NEBL: variants seen among roughly 807,000 people sequenced by gnomAD.
NEBL encodes LIM and SH3 protein 2.
In NEBL, 122 loss-of-function variants were observed where a neutral mutation model predicts 140.2. That is an observed-to-expected ratio of 0.87 (90% CI 0.75 to 1.01). The LOEUF is 1.01. Ranked by LOEUF, NEBL falls within the 50% of genes least tolerant of loss-of-function variation. The probability of loss-of-function intolerance (pLI) is 0.00; values close to 1 mark genes in which losing one functional copy is unlikely to be tolerated. For missense variants in NEBL, 1,365 were observed against 1,231.3 expected (o/e 1.11, Z -1.62); for synonymous variants, 436 against 398.9 (o/e 1.09, Z -1.11).
chr10:21,238,440 C>T (rs1278031464), intron 3 of NEBL, among the ~76,000 whole-genome samples: 4 of 151,994 alleles, frequency 2.6e-5, no homozygotes, highest in African/African-American at 7.2e-5. Flanking sequence ...TGGCTCACGC[C>T]TGTAATCCCA....
At chr10:21,010,657 A>G (rs1299421195) in intron 3 of NEBL, among the ~76,000 whole-genome samples, 2 of 152,238 alleles carry the variant, frequency 1.3e-5, no homozygotes, top group Non-Finnish European at 1.5e-5. Context: ...GACATTTCAT[A>G]AAAGTATACA....
At chr10:20,829,601 A>G (rs1840211881) in intron 16 of NEBL, among the ~76,000 whole-genome samples, 1 of 152,144 alleles carries the variant, frequency 6.6e-6, no homozygotes, top group African/African-American at 2.4e-5. Flanking sequence ...ATAAAATTAA[A>G]AAAAAAGAAA....
intron 2 of NEBL, among the ~76,000 whole-genome samples, chr10:20,890,883 A>C (rs1024511149): frequency 6.6e-6 from 1 of 152,238 alleles, no homozygotes; most frequent in Non-Finnish European, 1.5e-5. Flanking sequence ...GAGAAGATGC[A>C]GGTAATTTGC....
intron 4 of NEBL, among the ~76,000 whole-genome samples, chr10:20,885,886 C>T (rs1195014387): frequency 6.6e-6 from 1 of 152,102 alleles, no homozygotes; most frequent in Non-Finnish European, 1.5e-5. Context: ...AGAACGTTGA[C>T]ATCATATATT....
intron 2 of NEBL, among the ~76,000 whole-genome samples, chr10:21,148,533 GT>G (rs1840005523): frequency 6.6e-6 from 1 of 151,828 alleles, no homozygotes; most frequent in South Asian, 2.1e-4. Context: ...TTTTGTTTTT[GT>G]TTTTGTTTTT....
rs16921211 is a variant in NEBL at position 20,879,922 on chromosome 10, G to A, written c.480+872C>T. Among the ~76,000 whole-genome samples, 760 of 152,274 alleles carry A rather than the reference G, an allele frequency of 5.0e-3. 3 individuals carry two copies. The highest frequency in any genetic ancestry group is 0.017 in the African/African-American group (690 of 41,536). ...CGAGCAAATGCATGCAAACCTTGATGCAACTGCTAACTTTTACCAAAAAAG... is the reference window on the plus strand; with the variant it reads ...CGAGCAAATGCATGCAAACCTTGATACAACTGCTAACTTTTACCAAAAAAG... On this transcript the variant is annotated intron_variant, in intron 5 of 27. Transcript: ENST00000377122.
intron 2 of NEBL, among the ~76,000 whole-genome samples, chr10:21,052,627 T>A (rs1481388800): frequency 6.6e-6 from 1 of 152,170 alleles, no homozygotes; most frequent in Non-Finnish European, 1.5e-5. Flanking sequence ...TCTGTAGAGA[T>A]GCTAAAACCA....
intron 2 of NEBL, among the ~76,000 whole-genome samples, chr10:21,037,188 C>G: frequency 6.7e-6 from 1 of 149,102 alleles, no homozygotes. Context: ...AATGAACAAG[C>G]AGCCAGCGAC....
chr10:21,125,934 C>A (rs912699939), intron 2 of NEBL: 2 of 1,614,050 alleles, frequency 1.2e-6, no homozygotes, highest in Non-Finnish European at 1.7e-6. Flanking sequence ...CCAGAGACAG[C>A]CTTGGGGACT....
intron 26 of NEBL, 96 bp downstream of exon 26, chr10:20,808,414 G>T: frequency 8.2e-7 from 1 of 1,223,472 alleles, no homozygotes; most frequent in Non-Finnish European, 1.2e-6. Context: ...AGCCAGGATA[G>T]ATGTTCATGC....
At chr10:20,948,438 T>C (rs896760848) in intron 4 of NEBL, among the ~76,000 whole-genome samples, 32 of 152,206 alleles carry the variant, frequency 2.1e-4, no homozygotes, top group Non-Finnish European at 1.3e-4. Context: ...CTCCCTTAAG[T>C]AAATCAAGTA....
At chr10:20,896,613 C>T (rs989653538) in intron 2 of NEBL, among the ~76,000 whole-genome samples, 6 of 150,508 alleles carry the variant, frequency 4.0e-5, no homozygotes, top group Non-Finnish European at 8.8e-5. Context: ...TAGAGGGCCT[C>T]CCAAGACAAA....
chr10:21,029,028 G>T, intron 2 of NEBL: 1 of 794,092 alleles, frequency 1.3e-6, no homozygotes. Flanking sequence ...AGACGAATAA[G>T]AAGAGGAAAA....
At chr10:21,064,105 C>T (rs1427014822) in intron 2 of NEBL, among the ~76,000 whole-genome samples, 1 of 151,992 alleles carries the variant, frequency 6.6e-6, no homozygotes, top group Admixed American at 6.6e-5. Context: ...CTTCTTTTTA[C>T]TCAGGGGTTT....
intron 2 of NEBL, among the ~76,000 whole-genome samples, chr10:21,115,896 T>C (rs975835992): frequency 2.6e-5 from 4 of 152,148 alleles, no homozygotes; most frequent in Non-Finnish European, 5.9e-5. Context: ...CATGATGGGC[T>C]ATTTTCTACG....
intron 2 of NEBL, among the ~76,000 whole-genome samples, chr10:21,150,853 T>C (rs949336875): frequency 2.0e-5 from 3 of 152,120 alleles, no homozygotes; most frequent in Non-Finnish European, 4.4e-5. Flanking sequence ...GGAAGTGGAA[T>C]TTCACCAACT....
chr10:21,245,146 G>A (rs66923188), intron 3 of NEBL, among the ~76,000 whole-genome samples: 8,152 of 151,972 alleles, frequency 0.054, 257 homozygotes, highest in South Asian at 0.16. Flanking sequence ...CCTGGGCAAC[G>A]GAGCAAGACT....
At chr10:21,022,823 C>T (rs565411006) in intron 2 of NEBL, among the ~76,000 whole-genome samples, 12 of 152,282 alleles carry the variant, frequency 7.9e-5, no homozygotes, top group Non-Finnish European at 1.2e-4. Flanking sequence ...ACACAGCATT[C>T]GGTTCTGCCT....
intron 5 of NEBL, among the ~76,000 whole-genome samples, chr10:20,877,779 A>G (rs1845649798): frequency 6.6e-6 from 1 of 152,092 alleles, no homozygotes; most frequent in African/African-American, 2.4e-5. Flanking sequence ...GGTCCAACCA[A>G]TCTGTGGGCC....
Sources: allele counts gnomAD v4.1 joint callset (sites outside exome capture counted in the v4.1 genomes callset), GRCh38; gene constraint gnomAD v4.1.1; transcripts MANE v1.5; gene names NCBI Gene and HGNC (gene_info 2026-07-23, HGNC 2026-07-21).